The following ZYG11B variants were observed in gnomAD, a reference collection of about 807,000 sequenced individuals.
ZYG11B encodes zyg-11 family member B, cell cycle regulator, also known as protein zyg-11 homolog B.
In ZYG11B, 36 loss-of-function variants were observed where a neutral mutation model predicts 82.4. The observed-to-expected ratio is 0.44, with a 90% CI of 0.33 to 0.58. The LOEUF (loss-of-function observed/expected upper bound fraction) is 0.58, where lower values mean the gene tolerates loss of function less well. ZYG11B is among the 20% of genes least tolerant of loss of function. The probability of loss-of-function intolerance (pLI) is 0.02; values close to 1 mark genes in which losing one functional copy is unlikely to be tolerated. For synonymous variants in ZYG11B, 303 were observed against 312.8 expected (o/e 0.97, Z 0.33); for missense variants, 552 against 895.6 (o/e 0.62, Z 4.90).
intron 1 of ZYG11B, among the ~76,000 whole-genome samples, chr1:52,755,778 T>C (rs1644570709): frequency 6.6e-6 from 1 of 151,604 alleles, no homozygotes. Context: ...GTGCTGGGAT[T>C]ACAGGCGTGA....
intron 3 of ZYG11B, among the ~76,000 whole-genome samples, chr1:52,779,152 G>A (rs1364951577): frequency 5.3e-5 from 8 of 152,150 alleles, no homozygotes; most frequent in Non-Finnish European, 8.8e-5. Flanking sequence ...TGTATGAGTG[G>A]TCCTTTGCTG....
chr1:52,809,166 G>A (rs932737544), intron 10 of ZYG11B, among the ~76,000 whole-genome samples: 19 of 151,250 alleles, frequency 1.3e-4, no homozygotes, highest in African/African-American at 4.6e-4. Flanking sequence ...GTTTTAAATT[G>A]TGGTAAACAA....
rs11446988 is a variant in ZYG11B at position 52,746,687 on chromosome 1, GTTTTTTTTTTT to G, written c.31-9754_31-9744del. ...ACCAAAAAAATAAAGATCGGCCACTGTTTTTTTTTTTTTTTTTTTTTTTTTTTGCGGCTGGA... is the reference window on the plus strand; with the variant it reads ...ACCAAAAAAATAAAGATCGGCCACTGTTTTTTTTTTTTTTTTGCGGCTGGA... On this transcript the variant is annotated intron_variant, in intron 1 of 13. Transcript: ENST00000294353. 0.034 allele frequency among the ~76,000 whole-genome samples: 1,152 copies of G among 33,550 alleles called. 42 individuals carry two copies. The Middle Eastern group carries it at 0.38, about 11-fold the overall frequency. 22.0% of individuals were successfully genotyped at this position (33,550 alleles called of 152,430 possible).
rs776502355 is a variant in ZYG11B, at chr1:52,785,062, A to G, written c.1269+9A>G. ...TTCCCAATCACCAGCAGGTAAGCTT[A>G]TGTGAATTCCTTTTCAAATAGTCCT... On this transcript the variant is annotated intron_variant, in intron 5 of 13. Transcript: ENST00000294353. The G allele has an allele frequency of 6.2e-7, 1 of 1,611,056 alleles. No homozygotes were observed. Among genetic ancestry groups the G allele is most frequent in the South Asian group, 1.1e-5 (1 of 90,936 alleles).
chr1:52,742,922 TCCGGGAGGGAGGTG>T (rs1644443871), intron 1 of ZYG11B, among the ~76,000 whole-genome samples: 18 of 147,764 alleles, frequency 1.2e-4, no homozygotes, highest in South Asian at 6.3e-4. Context: ...AGCCGCCCCG[TCCGGGAGGGAGGTG>T]GGGGGCAGCC....
chr1:52,798,245 C>T (rs1161784360), intron 8 of ZYG11B, among the ~76,000 whole-genome samples: 1 of 152,076 alleles, frequency 6.6e-6, no homozygotes, highest in Admixed American at 6.6e-5. Flanking sequence ...GTCAGATGAC[C>T]TAGGATCTAG....
At position 52,743,037 on chromosome 1, in the gene ZYG11B, C is replaced by T. The variant is rs1220629048; in HGVS notation, c.31-13421C>T. On this transcript the variant is annotated intron_variant, in intron 1 of 13. Coordinates refer to ENST00000294353, the MANE Select transcript of ZYG11B (RefSeq NM_024646.3). The stretch of plus-strand genomic sequence containing the variant: ...AGTGAGGAGCCCCTCTGCCCGGCCG[C>T]CACCCCATCTGGGAGGTATACCCAA... 7.2e-5 allele frequency among the ~76,000 whole-genome samples: 11 copies of T among 152,048 alleles called. No individual in the cohort carries two copies. In the Middle Eastern group the frequency reaches 0.014, roughly 189 times the overall value.
chr1:52,821,414 G>C (rs745764072), intron 13 of ZYG11B, 25 bp from the exon 14 acceptor site: 2 of 1,531,662 alleles, frequency 1.3e-6, no homozygotes, highest in Admixed American at 4.3e-5. Flanking sequence ...CTCCTGTTTT[G>C]TGTGTGTTTT....
chr1:52,803,247 C>T lies in ZYG11B; in HGVS notation c.1695+1108C>T, dbSNP rs374898395. Among the ~76,000 whole-genome samples, 46 of 54,230 alleles carry T rather than the reference C, an allele frequency of 8.5e-4. 1 individual carries two copies. Among genetic ancestry groups the T allele is most frequent in the Admixed American group, 1.2e-3 (5 of 4,114 alleles). 35.6% of individuals were successfully genotyped at this position (54,230 alleles called of 152,430 possible). A position where few individuals can be genotyped will look rare whatever the true frequency, so the allele number is the denominator to read the frequency against. On this transcript the variant is annotated intron_variant, in intron 10 of 13. Transcript: ENST00000294353. The stretch of plus-strand genomic sequence containing the variant: ...ATACACACATATATATATACACACA[C>T]ACATATATATATATATATACACACA...
chr1:52,743,388 T>A (rs1027077201), intron 1 of ZYG11B, among the ~76,000 whole-genome samples: 1 of 65,148 alleles, frequency 1.5e-5, no homozygotes, highest in Non-Finnish European at 2.9e-5. Flanking sequence ...CACCCAAGAA[T>A]GATCAATAAA....
rs764189731 is a variant in ZYG11B at position 52,784,980 on chromosome 1, T to C, written c.1196T>C (p.Met399Thr). ...ACCAAGCAGGATCTTGCTGCAGGGA[T>C]GCCTGTCCGACTCCTGGCTGATGTG... ...NLTKQDLAAG[M>T]PVRLLADVTH... Residue 399 changes from methionine (M) to threonine (T), a missense_variant, in exon 5 of 14, where the codon ATG becomes ACG. This residue lies in a region of ZYG11B where 359 missense variants were observed against 555.8 expected (regional missense o/e 0.65). Coordinates refer to ENST00000294353, the MANE Select transcript of ZYG11B (RefSeq NM_024646.3). The C allele has an allele frequency of 1.9e-6, 3 of 1,614,190 alleles. No individual in the cohort carries two copies. The highest frequency in any genetic ancestry group is 2.5e-6 in the Non-Finnish European group (3 of 1,180,028).
intron 6 of ZYG11B, among the ~76,000 whole-genome samples, chr1:52,793,338 G>A (rs1335408240): frequency 3.3e-5 from 5 of 151,872 alleles, no homozygotes; most frequent in African/African-American, 7.3e-5. Context: ...GTGAAACGCT[G>A]TCTCTACTAA....
At chr1:52,820,714 TAA>T (rs34434230) in intron 13 of ZYG11B, among the ~76,000 whole-genome samples, 17 of 27,220 alleles carry the variant, frequency 6.2e-4, no homozygotes, top group East Asian at 0.017. Flanking sequence ...AGACTGTCTT[TAA>T]AAAAAAAAAA....
intron 12 of ZYG11B, among the ~76,000 whole-genome samples, chr1:52,815,114 C>T (rs1488905098): frequency 2.0e-5 from 3 of 151,916 alleles, no homozygotes; most frequent in Non-Finnish European, 4.4e-5. Flanking sequence ...GCTGAGATGG[C>T]GCCACTGCAC....
Position 52,770,990 on chromosome 1 carries a change from G to A in ZYG11B, c.197-30G>A. Reference sequence around the variant, plus strand: ...TTTGGCTATTCTTTAACTGTTTTTTGAATTTAAAACGCTGCTTGTTTTTCC... The same window carrying A: ...TTTGGCTATTCTTTAACTGTTTTTTAAATTTAAAACGCTGCTTGTTTTTCC... On this transcript the variant is annotated intron_variant, in intron 2 of 13. Transcript: ENST00000294353. 5 of 1,567,110 alleles carry A rather than the reference G, an allele frequency of 3.2e-6. No individual in the cohort carries two copies. In the South Asian group the frequency reaches 5.9e-5, roughly 18 times the overall value.
chr1:52,746,714 T>G (rs1175185479), intron 1 of ZYG11B, among the ~76,000 whole-genome samples: 1 of 128,572 alleles, frequency 7.8e-6, no homozygotes, highest in Non-Finnish European at 1.7e-5. Context: ...TTTTTTTTTT[T>G]GCGGCTGGAA....
At chr1:52,770,928 A>G (rs887087629) in intron 2 of ZYG11B, 92 bp from the exon 3 acceptor site, 1 of 1,354,110 alleles carries the variant, frequency 7.4e-7, no homozygotes, top group East Asian at 2.3e-5. Context: ...ATACTGTTAC[A>G]TGGGAGCGCT....
chr1:52,740,712 C>T lies in ZYG11B; in HGVS notation c.30+14029C>T, dbSNP rs1236441206. Among the ~76,000 whole-genome samples the T allele has an allele frequency of 4.6e-5, 7 of 151,814 alleles. No homozygotes were observed. In the South Asian group the frequency reaches 6.2e-4, roughly 14 times the overall value. On this transcript the variant is annotated intron_variant, in intron 1 of 13. Coordinates refer to ENST00000294353, the MANE Select transcript of ZYG11B (RefSeq NM_024646.3). ...CTGAGTAGCTTGGATTACAGGCATG[C>T]GCCACCACCCTTAGCTAATTTTTTG...
intron 1 of ZYG11B, among the ~76,000 whole-genome samples, chr1:52,750,313 C>T (rs1397336731): frequency 1.3e-5 from 2 of 151,300 alleles, no homozygotes; most frequent in Non-Finnish European, 2.9e-5. Flanking sequence ...ACTCTTGTTA[C>T]CCAGGCTAGA....
Sources: allele counts gnomAD v4.1 joint callset (sites outside exome capture counted in the v4.1 genomes callset), GRCh38; gene constraint gnomAD v4.1.1; regional missense constraint gnomAD v4.1.1; transcripts MANE v1.5; gene names NCBI Gene and HGNC (gene_info 2026-07-23, HGNC 2026-07-21).